Variants in SMG6 observed in about 807,000 individuals in gnomAD.
The protein encoded by SMG6 is SMG6 nonsense mediated mRNA decay factor.
SMG6 carries 66 observed loss-of-function variants against 142.2 expected under a neutral mutation model. The ratio of observed to expected loss-of-function variants is 0.46; its 90% CI spans 0.38 to 0.57. The LOEUF (loss-of-function observed/expected upper bound fraction) is 0.57, where lower values mean the gene tolerates loss of function less well. SMG6 is among the 20% of genes least tolerant of loss of function. SMG6 has a pLI of 0.00. For missense variants in SMG6, 1,793 were observed against 1,832.0 expected (o/e 0.98, Z 0.39); for synonymous variants, 779 against 702.4 (o/e 1.11, Z -1.72).
chr17:2,113,068 T>C (rs977075299), intron 13 of SMG6, among the ~76,000 whole-genome samples: 4 of 151,798 alleles, frequency 2.6e-5, no homozygotes, highest in African/African-American at 9.7e-5. Context: ...TTTTATTTTC[T>C]TTTTTAAGAG....
chr17:2,231,360 C>T (rs946207682), intron 10 of SMG6, among the ~76,000 whole-genome samples: 3 of 151,842 alleles, frequency 2.0e-5, no homozygotes, highest in Non-Finnish European at 4.4e-5. Flanking sequence ...CCACATGTGA[C>T]ACTCCCTCTA....
intron 13 of SMG6, among the ~76,000 whole-genome samples, chr17:2,162,461 C>T (rs1167128702): frequency 6.9e-6 from 1 of 144,414 alleles, no homozygotes; most frequent in Non-Finnish European, 1.5e-5. Flanking sequence ...TTGCAATAAG[C>T]CCAGATTGCA....
chr17:2,267,707 T>A (rs1379956954), intron 8 of SMG6, among the ~76,000 whole-genome samples: 6 of 151,542 alleles, frequency 4.0e-5, no homozygotes, highest in Non-Finnish European at 8.8e-5. Flanking sequence ...CTTTCTTTTT[T>A]AATGTATTTA....
chr17:2,207,655 A>AG (rs1355066458), intron 10 of SMG6, among the ~76,000 whole-genome samples: 13 of 152,218 alleles, frequency 8.5e-5, no homozygotes, highest in African/African-American at 2.7e-4. Context: ...ATGGATATAA[A>AG]GGGGGAATTG....
chr17:2,190,033 G>T (rs745610191), intron 10 of SMG6, among the ~76,000 whole-genome samples: 1 of 152,256 alleles, frequency 6.6e-6, no homozygotes, highest in Non-Finnish European at 1.5e-5. Context: ...CTGTTACAAA[G>T]AAAACAAGCA....
chr17:2,168,172 T>C (rs1597507345), intron 13 of SMG6, among the ~76,000 whole-genome samples: 1 of 152,104 alleles, frequency 6.6e-6, no homozygotes, highest in Non-Finnish European at 1.5e-5. Context: ...CTGGCCCTTT[T>C]GCAGGTTTTT....
At chr17:2,264,916 A>C (rs2151341678) in intron 8 of SMG6, among the ~76,000 whole-genome samples, 1 of 151,836 alleles carries the variant, frequency 6.6e-6, no homozygotes, top group South Asian at 2.1e-4. Context: ...AAAAAAAAAA[A>C]ATTTCCTTAA....
intron 8 of SMG6, among the ~76,000 whole-genome samples, chr17:2,265,317 C>A (rs965104505): frequency 1.3e-5 from 2 of 152,154 alleles, no homozygotes; most frequent in Non-Finnish European, 2.9e-5. Context: ...CGAGACCAGA[C>A]TGGCCAACAT....
chr17:2,293,475 C>G (rs866175909), intron 4 of SMG6, among the ~76,000 whole-genome samples: 1 of 151,730 alleles, frequency 6.6e-6, no homozygotes, highest in African/African-American at 2.4e-5. Context: ...TTTTTTCCCC[C>G]CTAATAATTT....
intron 8 of SMG6, among the ~76,000 whole-genome samples, chr17:2,259,768 A>G (rs1354620874): frequency 1.3e-5 from 2 of 152,214 alleles, no homozygotes; most frequent in African/African-American, 4.8e-5. Flanking sequence ...TTGAAAATAT[A>G]ACCTCTCTAC....
At chr17:2,111,304 G>A (rs2069310096) in intron 13 of SMG6, among the ~76,000 whole-genome samples, 1 of 152,150 alleles carries the variant, frequency 6.6e-6, no homozygotes, top group Non-Finnish European at 1.5e-5. Flanking sequence ...GGGTGGGGAA[G>A]AGTATTGCTA....
In SMG6 at chr17:2,082,145, C is replaced by T. The variant is rs2068442636; in HGVS notation, c.3535-189G>A. 3.2e-5 allele frequency: 19 copies of T among 598,670 alleles called. No individual in the cohort carries two copies. In the South Asian group the frequency reaches 3.6e-4, roughly 11 times the overall value. The allele number at this position is 598,670 out of a possible 1,614,324, so 37.1% of individuals were successfully genotyped here. The stretch of plus-strand genomic sequence containing the variant: ...GGTTGACAAAAGCTGTCACTCTTCC[C>T]CCGGAGCTGCTCTCTTTTATACTCT... On this transcript the variant is annotated intron_variant, in intron 14 of 18. Transcript: ENST00000263073.
chr17:2,243,747 T>C (rs1428513637), intron 9 of SMG6, among the ~76,000 whole-genome samples: 3 of 152,152 alleles, frequency 2.0e-5, no homozygotes, highest in Non-Finnish European at 2.9e-5. Context: ...AAGGGAAACA[T>C]TGACAATAAC....
Position 2,283,563 on chromosome 17 carries a change from C to T in SMG6, c.2448+62G>A, listed in dbSNP as rs117846521. Reference sequence around the variant, plus strand: ...CCTGCCGGTGCGCAGAGCTAGGGCACACCAACACTCAGGGAAATGCACTAT... The same window carrying T: ...CCTGCCGGTGCGCAGAGCTAGGGCATACCAACACTCAGGGAAATGCACTAT... On this transcript the variant is annotated intron_variant, in intron 7 of 18. Coordinates refer to ENST00000263073, the MANE Select transcript of SMG6 (RefSeq NM_017575.5). The T allele has an allele frequency of 6.6e-6, 9 of 1,356,310 alleles. No homozygotes were observed. In the Admixed American group the frequency reaches 1.5e-4, roughly 23 times the overall value. The allele number at this position is 1,356,310 out of a possible 1,614,324, so 84.0% of individuals were successfully genotyped here.
At chr17:2,144,248 G>A (rs144170789) in intron 13 of SMG6, among the ~76,000 whole-genome samples, 7 of 151,910 alleles carry the variant, frequency 4.6e-5, no homozygotes, top group Middle Eastern at 3.4e-3. Context: ...CAGTAGAGAC[G>A]GGGTTTCGCC....
rs2075342927 is a variant in SMG6, at chr17:2,303,659, G to A, written c.62C>T (p.Thr21Ile). The A allele has an allele frequency of 6.7e-7, 1 of 1,491,988 alleles. No individual in the cohort carries two copies. Among genetic ancestry groups the A allele is most frequent in the Non-Finnish European group, 8.9e-7 (1 of 1,127,498 alleles). The allele number at this position is 1,491,988 out of a possible 1,614,324, so 92.4% of individuals were successfully genotyped here. A position where few individuals can be genotyped will look rare whatever the true frequency, so the allele number is the denominator to read the frequency against. The change falls in exon 1 of 19, where the codon ACT becomes ATT. Residue 21 changes from threonine (T) to isoleucine (I), a missense_variant. Around this residue, in one of 3 missense-constraint regions of SMG6, gnomAD observed 1,597 missense variants for 1,584.6 expected, o/e 1.01. Transcript: ENST00000263073. The part of the protein sequence containing the change: ...SASELRGILA[T>I]LAPQAGSREN... ...TCTGCTCCCGGCCTGCGGGGCCAGA[G>A]TAGCCAGGATCCCGCGCAGCTCCGA...
intron 1 of SMG6, 154 bp downstream of exon 1, chr17:2,303,479 T>C (rs1337031245): frequency 2.0e-5 from 26 of 1,321,432 alleles, no homozygotes; most frequent in South Asian, 6.1e-5. Flanking sequence ...GCGAGAGAGG[T>C]AGGGCAGCGA....
At chr17:2,174,162 C>T (rs1312606727) in intron 12 of SMG6, among the ~76,000 whole-genome samples, 1 of 152,096 alleles carries the variant, frequency 6.6e-6, no homozygotes, top group Non-Finnish European at 1.5e-5. Context: ...ACTTTGGGAA[C>T]ATGAGAAGGG....
intron 13 of SMG6, among the ~76,000 whole-genome samples, chr17:2,100,364 G>T (rs1189483873): frequency 6.6e-6 from 1 of 152,094 alleles, no homozygotes; most frequent in African/African-American, 2.4e-5. Context: ...TTAGAGATGG[G>T]TTTTCACCAC....
Sources: gnomAD v4.1 joint callset for allele counts (sites outside exome capture counted in the v4.1 genomes callset) on GRCh38, gnomAD v4.1.1 for gene constraint, gnomAD v4.1.1 regional missense constraint, MANE v1.5 for transcripts, NCBI Gene and HGNC (gene_info 2026-07-23, HGNC 2026-07-21) for gene names.